RPS13: variants seen among roughly 807,000 people sequenced by gnomAD.
The protein encoded by RPS13 is ribosomal protein S13.
Under a neutral mutation model 24.6 loss-of-function variants are expected in RPS13, and 1 was observed. That is an observed-to-expected ratio of 0.04 (90% CI 0.01 to 0.19). RPS13 has a LOEUF of 0.19. RPS13 is among the 10% of genes least tolerant of loss of function. The probability of loss-of-function intolerance (pLI) is 1.00; values close to 1 mark genes in which losing one functional copy is unlikely to be tolerated. For synonymous variants in RPS13, 69 were observed against 65.3 expected (o/e 1.06, Z -0.27); for missense variants, 88 against 187.4 (o/e 0.47, Z 3.10).
intron 1 of RPS13, 47 bp downstream of exon 1, chr11:17,077,572 T>TGCGGGGGGGGGGGGGGCGG: frequency 6.3e-7 from 1 of 1,592,334 alleles, no homozygotes; most frequent in Non-Finnish European, 8.6e-7. Context: ...CTCCCTGTCT[T>TGCGGGGGGGGGGGGGGCGG]CCTCCCACCC....
Position 17,075,573 on chromosome 11 carries a change from C to G in RPS13, c.202G>C (p.Gly68Arg). 1 of 1,610,996 alleles carries G rather than the reference C, an allele frequency of 6.2e-7. No homozygotes were observed. The highest frequency in any genetic ancestry group is 8.5e-7 in the Non-Finnish European group (1 of 1,178,684). Residue 68 changes from glycine to arginine, a missense_variant, in exon 4 of 6, where the codon GGC becomes CGC. Physicochemically the swap from Gly to Arg is moderately radical, Grantham distance 125. Transcript: ENST00000525634. ...TTAAGAATTCTTAAAATTTTATTGC[C>G]TGTCACAAAACGTACTTGTGCAACA... ...HGVAQVRFVT[G>R]NKILRILKSK... is the part of the protein sequence containing the mutation.
At chr11:17,075,227 A>C (rs377020325) in intron 4 of RPS13, 30 bp from the exon 5 acceptor site, 3 of 1,471,486 alleles carry the variant, frequency 2.0e-6, no homozygotes, top group Non-Finnish European at 2.8e-6. Context: ...CAATTCAAGA[A>C]AACCACCCAA....
intron 5 of RPS13, 129 bp from the exon 6 acceptor site, chr11:17,074,595 AC>A (rs1287002266): frequency 2.6e-6 from 2 of 781,062 alleles, no homozygotes; most frequent in African/African-American, 3.4e-5. Context: ...TATAAAGTGC[AC>A]CAAACTTCTG....
intron 3 of RPS13, chr11:17,075,943 T>C: frequency 2.3e-6 from 1 of 444,348 alleles, no homozygotes; most frequent in South Asian, 1.8e-5. Context: ...TCTGGTCAGA[T>C]ATTCTTCTAA....
chr11:17,075,274 T>C lies in RPS13; in HGVS notation c.322-77A>G, dbSNP rs56874836. ...ATTATCAAACATTAATAAGAGAATG[T>C]AGAGCTACCATGCACTTTCTATAAT... On this transcript the variant is annotated intron_variant, in intron 4 of 5. Coordinates refer to ENST00000525634, the MANE Select transcript of RPS13 (RefSeq NM_001017.3). 731 of 1,119,888 alleles carry C rather than the reference T, an allele frequency of 6.5e-4. 7 individuals are homozygous for C. The African/African-American group carries it at 0.01, about 16-fold the overall frequency. 69.4% of individuals were successfully genotyped at this position (1,119,888 alleles called of 1,614,324 possible). A position where few individuals can be genotyped will look rare whatever the true frequency, so the allele number is the denominator to read the frequency against.
intron 3 of RPS13, 54 bp downstream of exon 3, chr11:17,077,114 C>T (rs1483870245): frequency 1.5e-6 from 2 of 1,350,474 alleles, no homozygotes; most frequent in African/African-American, 2.9e-5. Context: ...CTACTAGATC[C>T]TACAAGTCAC....
intron 3 of RPS13, 60 bp downstream of exon 3, chr11:17,077,108 T>C (rs1335786774): frequency 7.8e-7 from 1 of 1,274,242 alleles, no homozygotes; most frequent in African/African-American, 1.5e-5. Context: ...TACCACCTAC[T>C]AGATCCTACA....
chr11:17,074,878 G>C lies in RPS13; in HGVS notation c.422+219C>G, dbSNP rs1021365518. 9 of 604,202 alleles carry C rather than the reference G, an allele frequency of 1.5e-5. No homozygotes were observed. In the East Asian group the frequency reaches 2.3e-4, roughly 15 times the overall value. 37.4% of individuals were successfully genotyped at this position (604,202 alleles called of 1,614,324 possible). On this transcript the variant is annotated intron_variant, in intron 5 of 5. Transcript: ENST00000525634. ...GGTCTGCAACTATGGCCCTCTGCTT[G>C]TCTTTATTAAAGACAAGCAGCCACA...
At chr11:17,075,709 G>A in intron 3 of RPS13, 86 bp from the exon 4 acceptor site, 2 of 1,067,918 alleles carry the variant, frequency 1.9e-6, no homozygotes, top group Non-Finnish European at 2.8e-6. Context: ...TCAGGGCATA[G>A]TTTCCTATCT....
Position 17,077,409 on chromosome 11 carries a change from G to C in RPS13, c.72+20C>G. 1.2e-6 allele frequency: 2 copies of C among 1,600,936 alleles called. No homozygotes were observed. Among genetic ancestry groups the C allele is most frequent in the South Asian group, 1.1e-5 (1 of 90,836 alleles). ...CCAACCCCCTCCCCGGATTCTCCCC[G>C]GTCCCAGCGCGCTACTTACAGTGGG... On this transcript the variant is annotated intron_variant, in intron 2 of 5. Coordinates refer to ENST00000525634, the MANE Select transcript of RPS13 (RefSeq NM_001017.3).
chr11:17,074,975 ATAGCCCCCAAGGCTGAACATATTTACTAC>A (rs556107537), intron 5 of RPS13, 93 bp downstream of exon 5: 441 of 694,866 alleles, frequency 6.3e-4, no homozygotes, highest in East Asian at 2.3e-3. Context: ...AGTTAACAAA[ATAGCCCCCAAGGCTGAACATATTTACTAC>A]TAGCCCCCAA....
intron 5 of RPS13, 99 bp from the exon 6 acceptor site, chr11:17,074,565 C>G (rs1847996279): frequency 1.1e-6 from 1 of 939,714 alleles, no homozygotes; most frequent in East Asian, 2.5e-5. Flanking sequence ...TATTCTCAAA[C>G]AGTTAATAAA....
chr11:17,076,384 G>C, intron 3 of RPS13: 1 of 294,664 alleles, frequency 3.4e-6, no homozygotes, highest in South Asian at 2.5e-5. Context: ...AGTGAGAATC[G>C]GTCTCAAACA....
At chr11:17,076,410 G>A in intron 3 of RPS13, 2 of 297,542 alleles carry the variant, frequency 6.7e-6, no homozygotes, top group South Asian at 5.0e-5. Flanking sequence ...ACACAAATTA[G>A]CTGGGCCTGC....
At chr11:17,076,232 C>G (rs751958028) in intron 3 of RPS13, among the ~76,000 whole-genome samples, 9 of 152,062 alleles carry the variant, frequency 5.9e-5, no homozygotes, top group Non-Finnish European at 1.2e-4. Context: ...ACTAAAAATA[C>G]AAAAATTAGC....
At chr11:17,077,299 A>G (rs368636334) in intron 2 of RPS13, 53 bp from the exon 3 acceptor site, 98 of 1,577,788 alleles carry the variant, frequency 6.2e-5, no homozygotes, top group Non-Finnish European at 8.0e-5. Flanking sequence ...ATGGCGCCGC[A>G]GAACAGCGGT....
Position 17,075,199 on chromosome 11 carries a change from TA to T in RPS13, c.322-3del. 6.3e-7 allele frequency: 1 copy of T among 1,584,696 alleles called. No homozygotes were observed. The highest frequency in any genetic ancestry group is 8.6e-7 in the Non-Finnish European group (1 of 1,169,330). On this transcript the variant is annotated splice_region_variant and splice_polypyrimidine_tract_variant and intron_variant, in intron 4 of 5. Coordinates refer to ENST00000525634, the MANE Select transcript of RPS13 (RefSeq NM_001017.3). Reference sequence around the variant, plus strand: ...CAGACGGAATTTAGCATCCTTATCCTAAAAATAAAATTTGGTGCAATTCAAG... The same window carrying T: ...CAGACGGAATTTAGCATCCTTATCCTAAAATAAAATTTGGTGCAATTCAAG...
intron 3 of RPS13, chr11:17,076,025 T>C (rs1848020640): frequency 3.1e-6 from 1 of 319,008 alleles, no homozygotes; most frequent in African/African-American, 2.2e-5. Context: ...ATATTTTCTT[T>C]TGATGTGTCA....
rs1428662107 is a variant in RPS13, at chr11:17,077,658, C to G, written c.-17G>C. 1 of 1,613,564 alleles carries G rather than the reference C, an allele frequency of 6.2e-7. No individual in the cohort carries two copies. The highest frequency in any genetic ancestry group is 8.5e-7 in the Non-Finnish European group (1 of 1,179,882). On this transcript the variant is annotated 5_prime_UTR_variant, in exon 1 of 6. Transcript: ENST00000525634. ...GCGACCCATGATGGCGGCGATCAGG[C>G]AACGAAAGGAGAGCGAGAGTGGAAA...
Sources: allele counts gnomAD v4.1 joint callset (sites outside exome capture counted in the v4.1 genomes callset), GRCh38; gene constraint gnomAD v4.1.1; transcripts MANE v1.5; gene names NCBI Gene and HGNC (gene_info 2026-07-23, HGNC 2026-07-21).